The following MCAT variants were observed in gnomAD, a reference collection of about 807,000 sequenced individuals.
The protein encoded by MCAT is malonyl-CoA-acyl carrier protein transacylase, mitochondrial.
In MCAT, 22 loss-of-function variants were observed where a neutral mutation model predicts 22.9. The observed-to-expected ratio is 0.96, with a 90% CI of 0.69 to 1.37. The LOEUF (loss-of-function observed/expected upper bound fraction) is 1.37. Ranked by LOEUF, MCAT falls within the 40% of genes most tolerant of loss-of-function variation. The probability of loss-of-function intolerance (pLI) is 0.00; values close to 1 mark genes in which losing one functional copy is unlikely to be tolerated. For synonymous variants in MCAT, 240 were observed against 233.9 expected (o/e 1.03, Z -0.24); for missense variants, 534 against 533.6 (o/e 1.00, Z -0.01).
chr22:43,133,979 G>A (rs577501724), intron 3 of MCAT, among the ~76,000 whole-genome samples: 2 of 151,992 alleles, frequency 1.3e-5, no homozygotes, highest in East Asian at 3.9e-4. Flanking sequence ...CTAATTTTTT[G>A]TATTAGCTGA....
chr22:43,142,930 G>A lies in MCAT; in HGVS notation c.419C>T (p.Pro140Leu), dbSNP rs746059259. The change falls in exon 1 of 4, where the codon CCC (proline) becomes CTC (leucine). Residue 140 changes from proline to leucine, a missense_variant. Pro to Leu is a moderately conservative substitution (Grantham distance 98). Coordinates refer to ENST00000290429, the MANE Select transcript of MCAT (RefSeq NM_173467.5). Reference sequence around the variant, plus strand: ...TCACGGGGCCTCGGGCCTCACCGAGGGCTGCAGGTGATGTAGTTTCTCGAC... The same window carrying A: ...TCACGGGGCCTCGGGCCTCACCGAGAGCTGCAGGTGATGTAGTTTCTCGAC... ...AAVEKLHHLQPSVIENCVAAA... is the reference protein window; with the variant it reads ...AAVEKLHHLQLSVIENCVAAA... 6 of 1,558,942 alleles carry A rather than the reference G, an allele frequency of 3.8e-6. No homozygotes were observed. The highest frequency in any genetic ancestry group is 1.2e-5 in the South Asian group (1 of 84,658).
chr22:43,143,076 G>C lies in MCAT; in HGVS notation c.273C>G (p.Tyr91Ter), dbSNP rs748664800. Residue 91 changes from tyrosine to a stop codon, truncating the protein, a stop_gained, in exon 1 of 4, where the codon TAC (tyrosine) becomes TAG (stop). Coordinates refer to ENST00000290429, the MANE Select transcript of MCAT (RefSeq NM_173467.5). LOFTEE classifies it high-confidence loss of function. The stretch of plus-strand genomic sequence containing the variant: ...AGCCCAGCACGCGGCGGGCGGCGGC[G>C]TAGAGTTCGCGGACGCGCGGGTAGT... ...LLNYPRVREL[Y>*]AAARRVLGYD... The C allele has an allele frequency of 6.2e-7, 1 of 1,608,416 alleles. No individual in the cohort carries two copies. The highest frequency in any genetic ancestry group is 8.5e-7 in the Non-Finnish European group (1 of 1,179,154).
At chr22:43,138,303 T>C (rs1419797789) in intron 2 of MCAT, among the ~76,000 whole-genome samples, 1 of 152,120 alleles carries the variant, frequency 6.6e-6, no homozygotes, top group Non-Finnish European at 1.5e-5. Context: ...GTGACATAAT[T>C]GTCATAAGTC....
intron 3 of MCAT, among the ~76,000 whole-genome samples, chr22:43,135,739 G>C (rs1930590415): frequency 6.6e-6 from 1 of 152,094 alleles, no homozygotes; most frequent in African/African-American, 2.4e-5. Context: ...AGTCATAAGA[G>C]GCTCCTGCCA....
At chr22:43,139,077 A>T (rs878416) in intron 2 of MCAT, among the ~76,000 whole-genome samples, 1,723 of 152,318 alleles carry the variant, frequency 0.011, 35 homozygotes, top group African/African-American at 0.04. Flanking sequence ...GCATCACTGC[A>T]CTCAAGGCTG....
rs2147030447 is a variant in MCAT, at chr22:43,132,632, G to A, written c.*411C>T. 5.8e-6 allele frequency: 1 copy of A among 173,632 alleles called. No individual in the cohort carries two copies. Among genetic ancestry groups the A allele is most frequent in the East Asian group, 1.5e-4 (1 of 6,460 alleles). The allele number at this position is 173,632 out of a possible 1,614,324, so 10.8% of individuals were successfully genotyped here. Reference sequence around the variant, plus strand: ...CCTGGGGGGCAGGCTGGGGGTGGTGGAGGGGCTCCCCTGGCACTGGCTGAA... The same window carrying A: ...CCTGGGGGGCAGGCTGGGGGTGGTGAAGGGGCTCCCCTGGCACTGGCTGAA... On this transcript the variant is annotated 3_prime_UTR_variant, in exon 4 of 4. Transcript: ENST00000290429.
intron 3 of MCAT, among the ~76,000 whole-genome samples, chr22:43,133,978 T>C (rs1376866795): frequency 6.6e-6 from 1 of 151,736 alleles, no homozygotes; most frequent in Non-Finnish European, 1.5e-5. Context: ...GCTAATTTTT[T>C]GTATTAGCTG....
chr22:43,135,218 G>A (rs959381933), intron 3 of MCAT, among the ~76,000 whole-genome samples: 4 of 152,230 alleles, frequency 2.6e-5, no homozygotes, highest in African/African-American at 9.6e-5. Context: ...AATACCAAAG[G>A]GAAGCTGGGC....
chr22:43,133,104 G>T lies in MCAT; in HGVS notation c.1112C>A (p.Ala371Asp). 1 of 1,614,168 alleles carries T rather than the reference G, an allele frequency of 6.2e-7. No homozygotes were observed. Among genetic ancestry groups the T allele is most frequent in the Non-Finnish European group, 8.5e-7 (1 of 1,180,036 alleles). ...CNMQAWKSYS[A>D]VDVLQTLEHV... ...TTCGAGGGTCTGCAGCACATCCACGGCGCTGTAGGACTTCCAGGCCTGCAT... is the reference window on the plus strand; with the variant it reads ...TTCGAGGGTCTGCAGCACATCCACGTCGCTGTAGGACTTCCAGGCCTGCAT... Residue 371 changes from alanine to aspartate, a missense_variant, in exon 4 of 4, where the codon GCC becomes GAC. By Grantham distance (126) the Ala-to-Asp change is moderately radical (BLOSUM62 -2). Coordinates refer to ENST00000290429, the MANE Select transcript of MCAT (RefSeq NM_173467.5).
At chr22:43,142,774 C>CCA (rs763628645) in intron 1 of MCAT, 152 bp downstream of exon 1, 3 of 681,770 alleles carry the variant, frequency 4.4e-6, no homozygotes, top group Non-Finnish European at 6.4e-6. Flanking sequence ...GACTCCGTCT[C>CCA]AAAAAAAAAA....
At position 43,132,382 on chromosome 22, in the gene MCAT, C is replaced by T. The variant is rs1930470840; in HGVS notation, c.*661G>A. Reference sequence around the variant, plus strand: ...ATGGTTCCACCCCTAGGACCAGGGCCTCAGTCGCCCTCCCTACCTGGCACT... The same window carrying T: ...ATGGTTCCACCCCTAGGACCAGGGCTTCAGTCGCCCTCCCTACCTGGCACT... On this transcript the variant is annotated 3_prime_UTR_variant, in exon 4 of 4. Coordinates refer to ENST00000290429, the MANE Select transcript of MCAT (RefSeq NM_173467.5). The T allele has an allele frequency of 1.3e-5, 2 of 152,796 alleles. No individual in the cohort carries two copies. Among genetic ancestry groups the T allele is most frequent in the Non-Finnish European group, 2.9e-5 (2 of 68,498 alleles). 9.5% of individuals were successfully genotyped at this position (152,796 alleles called of 1,614,324 possible). A position where few individuals can be genotyped will look rare whatever the true frequency, so the allele number is the denominator to read the frequency against.
rs570166778 is a variant in MCAT, at chr22:43,135,518, A to C, written c.729+1563T>G. Among the ~76,000 whole-genome samples, 63 of 149,558 alleles carry C rather than the reference A, an allele frequency of 4.2e-4. 1 individual carries two copies. Among genetic ancestry groups the C allele is most frequent in the Middle Eastern group, 6.8e-3 (2 of 294 alleles). Reference sequence around the variant, plus strand: ...GACATTGTCTCAAAAAACAAAAAAAAAAAAAAAAAAAATCAAAAGGATGAA... The same window carrying C: ...GACATTGTCTCAAAAAACAAAAAAACAAAAAAAAAAAATCAAAAGGATGAA... On this transcript the variant is annotated intron_variant, in intron 3 of 3. Transcript: ENST00000290429.
Position 43,141,267 on chromosome 22 carries a change from G to C in MCAT, c.424-18C>G, listed in dbSNP as rs370419115. ...TCAATCACCTGTGGGGACAGATGCAGAACGTGAGCCCTCACTCTCCTGGGG... is the reference window on the plus strand; with the variant it reads ...TCAATCACCTGTGGGGACAGATGCACAACGTGAGCCCTCACTCTCCTGGGG... On this transcript the variant is annotated intron_variant, in intron 1 of 3. Coordinates refer to ENST00000290429, the MANE Select transcript of MCAT (RefSeq NM_173467.5). 19 of 1,603,720 alleles carry C rather than the reference G, an allele frequency of 1.2e-5. No individual in the cohort carries two copies. In the African/African-American group the frequency reaches 2.5e-4, roughly 21 times the overall value.
Position 43,133,019 on chromosome 22 carries a change from T to C in MCAT, c.*24A>G. 1 of 1,600,120 alleles carries C rather than the reference T, an allele frequency of 6.2e-7. No individual in the cohort carries two copies. The highest frequency in any genetic ancestry group is 1.7e-5 in the Admixed American group (1 of 59,046). On this transcript the variant is annotated 3_prime_UTR_variant, in exon 4 of 4. Coordinates refer to ENST00000290429, the MANE Select transcript of MCAT (RefSeq NM_173467.5). Reference sequence around the variant, plus strand: ...CCTCTCCTCAGGAGGACAGAGGGGGTCATCGCATTTGAGCCCCCTGCAGTC... The same window carrying C: ...CCTCTCCTCAGGAGGACAGAGGGGGCCATCGCATTTGAGCCCCCTGCAGTC...
chr22:43,136,356 T>G (rs1234374962), intron 3 of MCAT, among the ~76,000 whole-genome samples: 4 of 152,372 alleles, frequency 2.6e-5, no homozygotes, highest in South Asian at 4.1e-4. Context: ...TCACACGGGC[T>G]GCAATCTGCG....
Position 43,132,736 on chromosome 22 carries a change from GAT to G in MCAT, c.*305_*306del, listed in dbSNP as rs963941077. ...CAGCCAGTCCTCCCCTTCCCGCTGAGATGGCACACCTGCCTATGGTGCAGGGC... is the reference window on the plus strand; with the variant it reads ...CAGCCAGTCCTCCCCTTCCCGCTGAGGGCACACCTGCCTATGGTGCAGGGC... On this transcript the variant is annotated 3_prime_UTR_variant, in exon 4 of 4. Transcript: ENST00000290429. The G allele has an allele frequency of 2.9e-5, 11 of 374,860 alleles. 1 individual carries two copies. The highest frequency in any genetic ancestry group is 4.4e-5 in the Non-Finnish European group (9 of 202,644). 23.2% of individuals were successfully genotyped at this position (374,860 alleles called of 1,614,324 possible).
chr22:43,132,688 TCA>T lies in MCAT; in HGVS notation c.*353_*354del, dbSNP rs1555973042. On this transcript the variant is annotated 3_prime_UTR_variant, in exon 4 of 4. Coordinates refer to ENST00000290429, the MANE Select transcript of MCAT (RefSeq NM_173467.5). ...GGCCACACCAGCATGTTCTCAGCAC[TCA>T]CAGAGCAGGACAGGCTGCAGCAGCC... is the stretch of plus-strand genomic sequence containing the variant. 1 of 238,604 alleles carries T rather than the reference TCA, an allele frequency of 4.2e-6. No individual in the cohort carries two copies. The highest frequency in any genetic ancestry group is 8.3e-6 in the Non-Finnish European group (1 of 120,798). 14.8% of individuals were successfully genotyped at this position (238,604 alleles called of 1,614,324 possible). A position where few individuals can be genotyped will look rare whatever the true frequency, so the allele number is the denominator to read the frequency against.
Position 43,133,222 on chromosome 22 carries a change from C to T in MCAT, c.994G>A (p.Ala332Thr), listed in dbSNP as rs1295612871. The stretch of plus-strand genomic sequence containing the variant: ...CTGCCCTTTTTCCTTTCGTATATGG[C>T]ATGCATCGTCTGCTCCCACTTCACT... ...SPVKWEQTMH[A>T]IYERKKGRGF... The change falls in exon 4 of 4, where the codon GCC becomes ACC. Residue 332 changes from alanine (A) to threonine (T), a missense_variant. By Grantham distance (58) the Ala-to-Thr change is moderately conservative (BLOSUM62 0). Coordinates refer to ENST00000290429, the MANE Select transcript of MCAT (RefSeq NM_173467.5). The T allele has an allele frequency of 1.2e-6, 2 of 1,614,114 alleles. No individual in the cohort carries two copies. Among genetic ancestry groups the T allele is most frequent in the African/African-American group, 2.7e-5 (2 of 74,946 alleles).
In MCAT at chr22:43,132,613, G is replaced by C. The variant is rs576567351; in HGVS notation, c.*430C>G. 1 of 171,850 alleles carries C rather than the reference G, an allele frequency of 5.8e-6. No homozygotes were observed. The highest frequency in any genetic ancestry group is 5.5e-5 in the Admixed American group (1 of 18,138). The allele number at this position is 171,850 out of a possible 1,614,324, so 10.6% of individuals were successfully genotyped here. A position where few individuals can be genotyped will look rare whatever the true frequency, so the allele number is the denominator to read the frequency against. ...AGATTTGTGACAAAGGAGCCCTGGGGGGCAGGCTGGGGGTGGTGGAGGGGC... is the reference window on the plus strand; with the variant it reads ...AGATTTGTGACAAAGGAGCCCTGGGCGGCAGGCTGGGGGTGGTGGAGGGGC... On this transcript the variant is annotated 3_prime_UTR_variant, in exon 4 of 4. Coordinates refer to ENST00000290429, the MANE Select transcript of MCAT (RefSeq NM_173467.5).
Sources: gnomAD v4.1 joint callset for allele counts (sites outside exome capture counted in the v4.1 genomes callset) on GRCh38, gnomAD v4.1.1 for gene constraint, MANE v1.5 for transcripts, NCBI Gene and HGNC (gene_info 2026-07-23, HGNC 2026-07-21) for gene names.